SNX29: variants seen among roughly 807,000 people sequenced by gnomAD.
The protein encoded by SNX29 is sorting nexin 29.
SNX29 carries 78 observed loss-of-function variants against 102.1 expected under a neutral mutation model. The ratio of observed to expected loss-of-function variants is 0.76; its 90% CI spans 0.64 to 0.92. The LOEUF (loss-of-function observed/expected upper bound fraction) is 0.92. Among genes scored for constraint, SNX29 ranks in the 40% least tolerant of loss-of-function variants. The pLI, the probability that SNX29 is intolerant of heterozygous loss-of-function variation, is 0.00. For missense variants in SNX29, 1,280 were observed against 1,061.7 expected (o/e 1.21, Z -2.86); for synonymous variants, 580 against 414.5 (o/e 1.40, Z -4.85).
intron 15 of SNX29, among the ~76,000 whole-genome samples, chr16:12,355,944 A>G (rs1015132141): frequency 6.6e-6 from 1 of 151,552 alleles, no homozygotes; most frequent in East Asian, 1.9e-4. Context: ...CCATAACTTC[A>G]TACTGTTGAC....
chr16:12,438,349 C>G (rs1396726072), intron 18 of SNX29, among the ~76,000 whole-genome samples: 1 of 152,128 alleles, frequency 6.6e-6, no homozygotes, highest in Non-Finnish European at 1.5e-5. Context: ...GCGCTCTCCC[C>G]TCTCCCTTTA....
intron 11 of SNX29, among the ~76,000 whole-genome samples, chr16:12,119,654 T>C (rs2053889609): frequency 6.6e-6 from 1 of 152,230 alleles, no homozygotes; most frequent in Admixed American, 6.5e-5. Context: ...CCCTGGGAAC[T>C]GGTGTGAGTC....
At chr16:12,330,549 C>T (rs1325595002) in intron 15 of SNX29, among the ~76,000 whole-genome samples, 2 of 152,240 alleles carry the variant, frequency 1.3e-5, no homozygotes, top group Non-Finnish European at 1.5e-5. Flanking sequence ...CTCTGGACGA[C>T]AGGTGGTCAC....
rs1330229049 is a variant in SNX29 at position 12,173,532 on chromosome 16, A to G, written c.1596-26069A>G. ...GCCCAAGTGCTGAGTGAGGTCTTGAATCTGTATCTTTTGGCTCCAAATTCT... is the reference window on the plus strand; with the variant it reads ...GCCCAAGTGCTGAGTGAGGTCTTGAGTCTGTATCTTTTGGCTCCAAATTCT... On this transcript the variant is annotated intron_variant, in intron 13 of 20. Transcript: ENST00000566228. Among the ~76,000 whole-genome samples the G allele has an allele frequency of 2.0e-5, 3 of 152,116 alleles. No homozygotes were observed. The East Asian group carries it at 5.8e-4, about 29-fold the overall frequency.
intron 20 of SNX29, among the ~76,000 whole-genome samples, chr16:12,541,737 G>C (rs573890277): frequency 6.6e-6 from 1 of 152,020 alleles, no homozygotes; most frequent in Non-Finnish European, 1.5e-5. Flanking sequence ...TGTCTTTTCC[G>C]TACTGTGCCA....
chr16:12,568,628 G>C lies in SNX29; in HGVS notation c.2441G>C (p.Ter814SerextTer36). The change falls in exon 21 of 21, where the codon TGA becomes TCA. Residue 814 changes from the stop codon to serine (S), a stop_lost. Coordinates refer to ENST00000566228, the MANE Select transcript of SNX29 (RefSeq NM_032167.5). Reference protein sequence around the residue: ...RNVEPQSGDL* With the variant: ...RNVEPQSGDLS Reference sequence around the variant, plus strand: ...GTGGAGCCCCAGAGCGGTGACCTCTGACCTCGACAAAACCGCAGCCACGGG... The same window carrying C: ...GTGGAGCCCCAGAGCGGTGACCTCTCACCTCGACAAAACCGCAGCCACGGG... The C allele has an allele frequency of 1.2e-6, 2 of 1,602,650 alleles. No individual in the cohort carries two copies. The highest frequency in any genetic ancestry group is 2.2e-5 in the East Asian group (1 of 44,854).
intron 3 of SNX29, among the ~76,000 whole-genome samples, chr16:12,004,137 C>T (rs987249324): frequency 4.0e-5 from 6 of 151,822 alleles, no homozygotes; most frequent in African/African-American, 1.5e-4. Flanking sequence ...GTCAGGAGTT[C>T]GAGTCCAGCC....
chr16:12,564,475 TTCTC>T (rs1428404197), intron 20 of SNX29, among the ~76,000 whole-genome samples: 2 of 152,248 alleles, frequency 1.3e-5, no homozygotes, highest in African/African-American at 2.4e-5. Context: ...TTATGGATCT[TTCTC>T]CAAGGTCTAG....
At chr16:12,495,758 G>A (rs926039004) in intron 19 of SNX29, among the ~76,000 whole-genome samples, 1 of 152,134 alleles carries the variant, frequency 6.6e-6, no homozygotes. Context: ...GTGAGAGACA[G>A]AATGTCTGCA....
intron 9 of SNX29, among the ~76,000 whole-genome samples, chr16:12,064,863 A>G (rs999680357): frequency 2.0e-5 from 3 of 152,108 alleles, no homozygotes; most frequent in African/African-American, 7.2e-5. Flanking sequence ...CCTTCCTTAG[A>G]GATATTCTGA....
chr16:12,516,948 T>G (rs905427640), intron 19 of SNX29, among the ~76,000 whole-genome samples: 1 of 152,240 alleles, frequency 6.6e-6, no homozygotes, highest in Non-Finnish European at 1.5e-5. Context: ...ATTCTTCATT[T>G]GATGATAACT....
chr16:11,977,100 C>CT lies in SNX29; in HGVS notation c.7+289dup, dbSNP rs2055317417. 5 of 364,158 alleles carry CT rather than the reference C, an allele frequency of 1.4e-5. No homozygotes were observed. The South Asian group carries it at 6.8e-4, about 50-fold the overall frequency. 22.6% of individuals were successfully genotyped at this position (364,158 alleles called of 1,614,324 possible). A position where few individuals can be genotyped will look rare whatever the true frequency, so the allele number is the denominator to read the frequency against. On this transcript the variant is annotated intron_variant, in intron 1 of 20. Transcript: ENST00000566228. ...CCAGTTGTTCCAGTCCTGCGATCCC[C>CT]TTGCCTAGTGTCCAGACCCCCAGTT...
chr16:12,245,392 G>C (rs1054531571), intron 14 of SNX29, among the ~76,000 whole-genome samples: 1 of 151,704 alleles, frequency 6.6e-6, no homozygotes, highest in African/African-American at 2.4e-5. Context: ...AACTGTGACT[G>C]CTACTTTCAT....
At chr16:12,520,637 G>A (rs932520822) in intron 19 of SNX29, among the ~76,000 whole-genome samples, 2 of 152,206 alleles carry the variant, frequency 1.3e-5, no homozygotes, top group Non-Finnish European at 2.9e-5. Flanking sequence ...ACGAAATCAT[G>A]TCTTTTGCGG....
rs377260398 is a variant in SNX29, at chr16:12,123,064, T to C, written c.1403-3569T>C. On this transcript the variant is annotated intron_variant, in intron 11 of 20. Coordinates refer to ENST00000566228, the MANE Select transcript of SNX29 (RefSeq NM_032167.5). The stretch of plus-strand genomic sequence containing the variant: ...CTGGTCTTGAACTCCTGACCTCAAG[T>C]GATCTGCCTGCCTCAGCCTCCAAAG... 8.5e-5 allele frequency among the ~76,000 whole-genome samples: 13 copies of C among 152,296 alleles called. No individual in the cohort carries two copies. The South Asian group carries it at 2.7e-3, about 32-fold the overall frequency.
At chr16:12,429,134 C>T (rs2085207538) in intron 18 of SNX29, among the ~76,000 whole-genome samples, 1 of 151,960 alleles carries the variant, frequency 6.6e-6, no homozygotes, top group Non-Finnish European at 1.5e-5. Flanking sequence ...CTAGTTAGTC[C>T]CAACACATAG....
intron 20 of SNX29, among the ~76,000 whole-genome samples, chr16:12,547,561 A>C (rs931610670): frequency 6.6e-6 from 1 of 152,062 alleles, no homozygotes; most frequent in Non-Finnish European, 1.5e-5. Flanking sequence ...GCTGTGGTTA[A>C]CATCCCCCTC....
intron 20 of SNX29, among the ~76,000 whole-genome samples, chr16:12,567,576 C>T (rs2079063753): frequency 1.3e-5 from 2 of 152,104 alleles, no homozygotes; most frequent in African/African-American, 4.8e-5. Flanking sequence ...TTGAGACCAG[C>T]CTGGACAAGA....
At chr16:12,287,874 C>T (rs917988737) in intron 15 of SNX29, among the ~76,000 whole-genome samples, 1 of 152,138 alleles carries the variant, frequency 6.6e-6, no homozygotes, top group Admixed American at 6.5e-5. Context: ...GGTTGTTGAT[C>T]CTAGAGAATT....
Sources: gnomAD v4.1 joint callset for allele counts (sites outside exome capture counted in the v4.1 genomes callset) on GRCh38, gnomAD v4.1.1 for gene constraint, MANE v1.5 for transcripts, NCBI Gene and HGNC (gene_info 2026-07-23, HGNC 2026-07-21) for gene names.